PPM1H: variants seen among roughly 807,000 people sequenced by gnomAD.
PPM1H encodes the protein protein phosphatase, Mg2+/Mn2+ dependent 1H.
In PPM1H, 27 loss-of-function variants were observed where a neutral mutation model predicts 54.9. The observed-to-expected ratio is 0.49, with a 90% CI of 0.36 to 0.68. PPM1H has a LOEUF of 0.68. Among genes scored for constraint, PPM1H ranks in the 30% least tolerant of loss-of-function variants. The pLI is 0.00. For missense variants in PPM1H, 596 were observed against 667.8 expected, an observed-to-expected ratio of 0.89 and a Z score of 1.19; for synonymous variants, 305 against 270.8, an observed-to-expected ratio of 1.13 and a Z score of -1.24.
At chr12:62,816,745 G>T (rs2076868780) in intron 2 of PPM1H, among the ~76,000 whole-genome samples, 1 of 151,118 alleles carries the variant, frequency 6.6e-6, no homozygotes, top group Admixed American at 6.6e-5. Flanking sequence ...TTTTTTTTTA[G>T]AAGAAATGAA....
intron 5 of PPM1H, among the ~76,000 whole-genome samples, chr12:62,735,369 G>A (rs914219086): frequency 3.3e-5 from 5 of 151,886 alleles, no homozygotes; most frequent in South Asian, 2.1e-4. Context: ...ACATCACCAT[G>A]CCTGGCTAAT....
intron 2 of PPM1H, among the ~76,000 whole-genome samples, chr12:62,826,063 G>A (rs1046649208): frequency 6.6e-6 from 1 of 152,148 alleles, no homozygotes; most frequent in African/African-American, 2.4e-5. Context: ...ATGGGAGGCT[G>A]AAAAGGATAA....
chr12:62,818,821 C>CTTTT (rs771501305), intron 2 of PPM1H, among the ~76,000 whole-genome samples: 1 of 135,834 alleles, frequency 7.4e-6, no homozygotes, highest in Admixed American at 7.5e-5. Context: ...TTTTCTTTTT[C>CTTTT]TTTTTTTTTT....
chr12:62,802,105 G>A lies in PPM1H; in HGVS notation c.467C>T (p.Ser156Phe), dbSNP rs2076774500. ...GCGTGACGCCACCACCGCGGCCCCG[G>A]ACCCCGCGTGCCCGTCAAACAGCGA... ...YWSLFDGHAG[S>F]GAAVVASRLL... The change falls in exon 3 of 10, where the codon TCC becomes TTC. Residue 156 changes from serine to phenylalanine, a missense_variant. Coordinates refer to ENST00000228705, the MANE Select transcript of PPM1H (RefSeq NM_020700.2). 1 of 1,604,246 alleles carries A rather than the reference G, an allele frequency of 6.2e-7. No individual in the cohort carries two copies. Among genetic ancestry groups the A allele is most frequent in the Non-Finnish European group, 8.5e-7 (1 of 1,175,092 alleles).
intron 8 of PPM1H, among the ~76,000 whole-genome samples, chr12:62,684,350 C>T (rs1269547928): frequency 3.3e-5 from 5 of 152,142 alleles, no homozygotes; most frequent in Admixed American, 6.5e-5. Context: ...GCAAACCTGG[C>T]GGCTGCTCTT....
At chr12:62,913,019 T>A (rs1020324418) in intron 1 of PPM1H, among the ~76,000 whole-genome samples, 1 of 152,118 alleles carries the variant, frequency 6.6e-6, no homozygotes, top group Non-Finnish European at 1.5e-5. Flanking sequence ...AAGCATATGG[T>A]ATGGGCAGGC....
intron 1 of PPM1H, among the ~76,000 whole-genome samples, chr12:62,885,231 T>C (rs1870546419): frequency 6.6e-6 from 1 of 152,084 alleles, no homozygotes; most frequent in Non-Finnish European, 1.5e-5. Context: ...GGAGATACGA[T>C]TCAAGTTGAG....
At chr12:62,721,143 A>G (rs1187936980) in intron 5 of PPM1H, 1 of 152,306 alleles carries the variant, frequency 6.6e-6, no homozygotes, top group Non-Finnish European at 1.5e-5. Context: ...CTGGCAGTGT[A>G]GGAAAGCAAG....
Position 62,742,500 on chromosome 12 carries a change from A to G in PPM1H, c.870-4914T>C, listed in dbSNP as rs148985365. On this transcript the variant is annotated intron_variant, in intron 4 of 9. Transcript: ENST00000228705. ...AGGGGTTTCAAACGGAACGAAATGC[A>G]TGTGAAAGCTGACAAACCTCATACT... Among the ~76,000 whole-genome samples the G allele has an allele frequency of 3.1e-3, 468 of 152,368 alleles. 1 individual carries two copies. The highest frequency in any genetic ancestry group is 5.1e-3 in the Non-Finnish European group (346 of 68,042).
At chr12:62,705,289 C>T (rs1299002038) in intron 6 of PPM1H, among the ~76,000 whole-genome samples, 1 of 152,204 alleles carries the variant, frequency 6.6e-6, no homozygotes, top group Non-Finnish European at 1.5e-5. Flanking sequence ...GGTAGAAGAA[C>T]AGAACCTGCT....
intron 1 of PPM1H, among the ~76,000 whole-genome samples, chr12:62,926,814 C>A (rs1026332201): frequency 2.0e-5 from 3 of 152,040 alleles, no homozygotes; most frequent in Non-Finnish European, 4.4e-5. Flanking sequence ...ATTAGCCAGG[C>A]ATGGTGGCGC....
At chr12:62,928,093 T>A (rs149635031) in intron 1 of PPM1H, among the ~76,000 whole-genome samples, 181 of 152,364 alleles carry the variant, frequency 1.2e-3, no homozygotes, top group African/African-American at 4.0e-3. Context: ...TAAATCCTTA[T>A]ACATAAAGTG....
chr12:62,662,516 G>C (rs993190746), intron 9 of PPM1H, among the ~76,000 whole-genome samples: 2 of 152,100 alleles, frequency 1.3e-5, no homozygotes, highest in African/African-American at 2.4e-5. Flanking sequence ...ACATCTATTA[G>C]TGCTTATTAT....
At chr12:62,756,046 T>C in intron 4 of PPM1H, 2 of 1,341,574 alleles carry the variant, frequency 1.5e-6, no homozygotes. Context: ...AAGGGCATCC[T>C]GGGCTACACT....
At chr12:62,770,992 C>G (rs1592590893) in intron 4 of PPM1H, among the ~76,000 whole-genome samples, 1 of 150,438 alleles carries the variant, frequency 6.6e-6, no homozygotes, top group African/African-American at 2.5e-5. Context: ...AGCTGAGCTC[C>G]CTAGGAATAG....
At chr12:62,750,505 T>C (rs1299067238) in intron 4 of PPM1H, among the ~76,000 whole-genome samples, 2 of 152,272 alleles carry the variant, frequency 1.3e-5, no homozygotes, top group African/African-American at 4.8e-5. Flanking sequence ...ACATTTTGTT[T>C]ATCCATTCAT....
chr12:62,676,431 G>A (rs2136622724), intron 8 of PPM1H, among the ~76,000 whole-genome samples: 1 of 152,306 alleles, frequency 6.6e-6, no homozygotes, highest in South Asian at 2.1e-4. Flanking sequence ...TGGTGGGACA[G>A]GAGCCCTGTC....
chr12:62,749,340 G>C (rs1465452089), intron 4 of PPM1H, among the ~76,000 whole-genome samples: 3 of 152,192 alleles, frequency 2.0e-5, no homozygotes, highest in Non-Finnish European at 4.4e-5. Context: ...TCTGGTACAA[G>C]GTGACAAAGA....
chr12:62,693,439 TC>T (rs899478938), intron 7 of PPM1H, among the ~76,000 whole-genome samples: 3 of 152,174 alleles, frequency 2.0e-5, no homozygotes, highest in African/African-American at 7.2e-5. Flanking sequence ...AGTCTGGACT[TC>T]CATGGTGGAG....
Sources: allele counts gnomAD v4.1 joint callset (sites outside exome capture counted in the v4.1 genomes callset), GRCh38; gene constraint gnomAD v4.1.1; transcripts MANE v1.5; gene names NCBI Gene and HGNC (gene_info 2026-07-23, HGNC 2026-07-21).